FOCAD: variants seen among roughly 807,000 people sequenced by gnomAD.
FOCAD encodes the protein KIAA1797.
A neutral mutation model predicts 225.6 loss-of-function variants in FOCAD; 198 were observed. That is an observed-to-expected ratio of 0.88 (90% confidence interval 0.78 to 0.99). FOCAD has a LOEUF of 0.99. Among genes scored for constraint, FOCAD ranks in the 50% least tolerant of loss-of-function variants. The pLI is 0.00. For missense variants in FOCAD, 2,713 were observed against 2,123.6 expected (o/e 1.28, Z -5.46); for synonymous variants, 897 against 755.0 (o/e 1.19, Z -3.08).
chr9:20,789,227 C>G (rs1204553795), intron 10 of FOCAD, 124 bp from the exon 11 acceptor site: 2 of 1,094,228 alleles, frequency 1.8e-6, no homozygotes, highest in Non-Finnish European at 2.6e-6. Flanking sequence ...GGCAGTAATT[C>G]AATTTGTATT....
chr9:20,751,737 A>T (rs1162289156), intron 5 of FOCAD, among the ~76,000 whole-genome samples: 1 of 149,008 alleles, frequency 6.7e-6, no homozygotes, highest in African/African-American at 2.4e-5. Flanking sequence ...TGCCACACTG[A>T]CTTCCACAAT....
intron 21 of FOCAD, among the ~76,000 whole-genome samples, chr9:20,903,027 T>C (rs2131991187): frequency 6.6e-6 from 1 of 152,084 alleles, no homozygotes; most frequent in South Asian, 2.1e-4. Context: ...CACATTTTAC[T>C]GTCTAGTTGT....
At chr9:20,843,666 C>G (rs1253599990) in intron 15 of FOCAD, among the ~76,000 whole-genome samples, 1 of 152,048 alleles carries the variant, frequency 6.6e-6, no homozygotes, top group African/African-American at 2.4e-5. Flanking sequence ...GGGAAGTTCT[C>G]TGTTATTATC....
rs180678378 is a variant in FOCAD, at chr9:20,723,216, G to A, written c.287+2682G>A. On this transcript the variant is annotated intron_variant, in intron 4 of 43. Transcript: ENST00000338382. ...AAAATGTGTTTTTTGGGTGAGGTGC[G>A]GTGACTCATGCCCGTAATCCCAATA... Among the ~76,000 whole-genome samples the A allele has an allele frequency of 3.2e-4, 48 of 152,258 alleles. 1 individual carries two copies. Among genetic ancestry groups the A allele is most frequent in the Admixed American group, 1.8e-3 (28 of 15,300 alleles).
At chr9:20,772,050 C>T (rs185786107) in intron 8 of FOCAD, among the ~76,000 whole-genome samples, 2 of 152,060 alleles carry the variant, frequency 1.3e-5, no homozygotes, top group African/African-American at 2.4e-5. Context: ...ACAGTTCAGC[C>T]CATAGTGAGG....
chr9:20,920,099 C>G (rs558649543), intron 24 of FOCAD, among the ~76,000 whole-genome samples: 14 of 152,106 alleles, frequency 9.2e-5, no homozygotes, highest in African/African-American at 2.9e-4. Flanking sequence ...CTACAATGAA[C>G]TCAAACAAAT....
rs142732141 is a variant in FOCAD, at chr9:20,870,245, G to A, written c.2190+3233G>A. On this transcript the variant is annotated intron_variant, in intron 18 of 43. Coordinates refer to ENST00000338382, the MANE Select transcript of FOCAD (RefSeq NM_001375567.1). ...GGTTGGTATAAATATGGTGTAACCC[G>A]TTTGGCTTTGATTTAAAGTGAATGT... Among the ~76,000 whole-genome samples, 331 of 152,248 alleles carry A rather than the reference G, an allele frequency of 2.2e-3. 2 individuals are homozygous for A. The highest frequency in any genetic ancestry group is 7.8e-3 in the African/African-American group (324 of 41,566).
At chr9:20,735,267 A>G (rs977435810) in intron 4 of FOCAD, among the ~76,000 whole-genome samples, 1 of 151,982 alleles carries the variant, frequency 6.6e-6, no homozygotes, top group Non-Finnish European at 1.5e-5. Flanking sequence ...AACTTTCCCT[A>G]CCAACTTTGC....
chr9:20,676,556 C>G (rs1053360008), intron 2 of FOCAD, among the ~76,000 whole-genome samples: 21 of 152,194 alleles, frequency 1.4e-4, no homozygotes, highest in Admixed American at 9.8e-4. Flanking sequence ...GTTTCAATCA[C>G]AAGTAATGTC....
At chr9:20,943,955 A>G (rs1836920854) in intron 28 of FOCAD, among the ~76,000 whole-genome samples, 1 of 152,218 alleles carries the variant, frequency 6.6e-6, no homozygotes, top group Admixed American at 6.5e-5. Context: ...AAAGCCCTAG[A>G]TTTCAATTGA....
Position 20,944,840 on chromosome 9 carries a change from T to A in FOCAD, c.3555+66T>A, listed in dbSNP as rs971074930. Reference sequence around the variant, plus strand: ...TTTGTTTTCTTCTTGCCACTTATTTTGGACTTACCATATTTTGGTAACCCT... The same window carrying A: ...TTTGTTTTCTTCTTGCCACTTATTTAGGACTTACCATATTTTGGTAACCCT... On this transcript the variant is annotated intron_variant, in intron 29 of 43. Transcript: ENST00000338382. 3 of 1,484,214 alleles carry A rather than the reference T, an allele frequency of 2.0e-6. No individual in the cohort carries two copies. The African/African-American group carries it at 4.2e-5, about 21-fold the overall frequency. The allele number at this position is 1,484,214 out of a possible 1,614,324, so 91.9% of individuals were successfully genotyped here.
At position 20,923,698 on chromosome 9, in the gene FOCAD, T is replaced by C; in HGVS notation, c.2891T>C (p.Leu964Pro). The C allele has an allele frequency of 6.2e-7, 1 of 1,614,082 alleles. No homozygotes were observed. The highest frequency in any genetic ancestry group is 8.5e-7 in the Non-Finnish European group (1 of 1,179,950). Reference protein sequence around the residue: ...PVVKGNALLALSSLAVVVSRH... With the variant: ...PVVKGNALLAPSSLAVVVSRH... The stretch of plus-strand genomic sequence containing the variant: ...GTGAAAGGCAATGCGCTGTTAGCTC[T>C]AAGCAGCCTTGCTGTCGTCGTATCT... The change falls in exon 25 of 44, where the codon CTA becomes CCA. Residue 964 changes from leucine to proline, a missense_variant. Physicochemically the swap from Leu to Pro is moderately conservative, Grantham distance 98 (BLOSUM62 -3). Transcript: ENST00000338382.
chr9:20,665,372 A>G (rs1821869241), intron 2 of FOCAD, among the ~76,000 whole-genome samples: 5 of 152,170 alleles, frequency 3.3e-5, no homozygotes, highest in Admixed American at 3.3e-4. Flanking sequence ...GCTTAGGACA[A>G]TAAAGCCCAA....
chr9:20,817,455 GT>G (rs995830485), intron 11 of FOCAD, among the ~76,000 whole-genome samples: 4 of 151,556 alleles, frequency 2.6e-5, no homozygotes, highest in East Asian at 3.9e-4. Context: ...TTTTGTGGCT[GT>G]TTTTTTTCTC....
At chr9:20,944,204 C>A (rs953823268) in intron 28 of FOCAD, among the ~76,000 whole-genome samples, 3 of 152,236 alleles carry the variant, frequency 2.0e-5, no homozygotes, top group Non-Finnish European at 2.9e-5. Flanking sequence ...CCTCAGCTCA[C>A]ATCCTGAATT....
chr9:20,799,259 A>G (rs143600718), intron 11 of FOCAD, among the ~76,000 whole-genome samples: 213 of 152,326 alleles, frequency 1.4e-3, no homozygotes, highest in African/African-American at 4.5e-3. Flanking sequence ...GGAGTGCTTT[A>G]CTTCCAAGTA....
At chr9:20,948,071 G>A (rs980457824) in intron 30 of FOCAD, among the ~76,000 whole-genome samples, 200 bp from the exon 31 acceptor site, 1 of 151,572 alleles carries the variant, frequency 6.6e-6, no homozygotes, top group African/African-American at 2.4e-5. Flanking sequence ...ATTAGACCCT[G>A]CAGTTTATGA....
intron 10 of FOCAD, among the ~76,000 whole-genome samples, chr9:20,785,287 GGC>G (rs1819798425): frequency 6.6e-6 from 1 of 152,036 alleles, no homozygotes; most frequent in African/African-American, 2.4e-5. Flanking sequence ...GCAATTCAGT[GGC>G]TTTTAGTATA....
intron 24 of FOCAD, among the ~76,000 whole-genome samples, chr9:20,919,683 A>G (rs867433909): frequency 6.6e-5 from 10 of 152,356 alleles, no homozygotes; most frequent in East Asian, 1.9e-4. Context: ...CTGATCTTTG[A>G]CAAACCTGAG....
Sources: allele counts gnomAD v4.1 joint callset (sites outside exome capture counted in the v4.1 genomes callset), GRCh38; gene constraint gnomAD v4.1.1; transcripts MANE v1.5; gene names NCBI Gene and HGNC (gene_info 2026-07-23, HGNC 2026-07-21).